The following ZMYM4 variants were observed in gnomAD, a reference collection of about 807,000 sequenced individuals.
The protein encoded by ZMYM4 is zinc finger MYM-type protein 4.
Under a neutral mutation model 183.2 loss-of-function variants are expected in ZMYM4, and 31 were observed. That is an observed-to-expected ratio of 0.17 (90% CI 0.13 to 0.23). The LOEUF is 0.23. Among genes scored for constraint, ZMYM4 ranks in the 10% least tolerant of loss-of-function variants. The pLI, the probability that ZMYM4 is intolerant of heterozygous loss-of-function variation, is 1.00. For missense variants in ZMYM4, 1,273 were observed against 1,840.3 expected (o/e 0.69, Z 5.64); for synonymous variants, 592 against 631.2 (o/e 0.94, Z 0.93).
intron 23 of ZMYM4, 154 bp from the exon 24 acceptor site, chr1:35,404,869 A>G: frequency 3.0e-6 from 2 of 677,380 alleles, no homozygotes; most frequent in Non-Finnish European, 4.6e-6. Context: ...AATAATCTCT[A>G]AAGCCCTTTC....
intron 1 of ZMYM4, among the ~76,000 whole-genome samples, chr1:35,285,043 C>G (rs903167179): frequency 2.0e-5 from 3 of 152,014 alleles, no homozygotes; most frequent in African/African-American, 7.2e-5. Context: ...TGTCTATATG[C>G]CTGTTCTTGT....
intron 1 of ZMYM4, among the ~76,000 whole-genome samples, chr1:35,269,711 A>T (rs1389634204): frequency 6.6e-6 from 1 of 152,188 alleles, no homozygotes; most frequent in East Asian, 1.9e-4. Flanking sequence ...ACTTGGAAGA[A>T]TACGACAAGT....
chr1:35,326,139 A>G (rs12133545), intron 2 of ZMYM4, among the ~76,000 whole-genome samples: 2,792 of 152,298 alleles, frequency 0.018, 26 homozygotes, highest in Middle Eastern at 0.044. Context: ...AGGTGAAATG[A>G]CATATAATGA....
Position 35,288,075 on chromosome 1 carries a change from C to G in ZMYM4, c.39+18990C>G, listed in dbSNP as rs1196640809. Among the ~76,000 whole-genome samples the G allele has an allele frequency of 2.6e-5, 4 of 152,150 alleles. No homozygotes were observed. The South Asian group carries it at 6.2e-4, about 24-fold the overall frequency. On this transcript the variant is annotated intron_variant, in intron 1 of 29. Coordinates refer to ENST00000314607, the MANE Select transcript of ZMYM4 (RefSeq NM_005095.3). ...ATCTGTGAGTCATCTTTTGTTTCTT[C>G]CCTTTCCCTTACTGTTTAGTTTTAA...
intron 1 of ZMYM4, among the ~76,000 whole-genome samples, chr1:35,279,436 A>G (rs1239195376): frequency 5.9e-5 from 9 of 152,126 alleles, no homozygotes. Context: ...GAGATGATTG[A>G]TGGGATCCAT....
intron 1 of ZMYM4, among the ~76,000 whole-genome samples, chr1:35,271,783 C>G (rs981013074): frequency 4.6e-5 from 7 of 152,256 alleles, no homozygotes; most frequent in African/African-American, 1.7e-4. Flanking sequence ...CCAGTTTCAT[C>G]ACAGAGGAAA....
intron 1 of ZMYM4, among the ~76,000 whole-genome samples, chr1:35,283,137 C>G (rs550082976): frequency 6.8e-6 from 1 of 147,900 alleles, no homozygotes; most frequent in East Asian, 2.0e-4. Context: ...TCCCAAGTAG[C>G]TGGGATTACA....
rs1227620514 is a variant in ZMYM4, at chr1:35,374,854, G to A, written c.1181+4227G>A. ...ATTTATCATGTTTCTTTGGCCTCCA[G>A]TCTCTGGTGTTTGCCTAAGCTTTAT... On this transcript the variant is annotated intron_variant, in intron 7 of 29. Transcript: ENST00000314607. Among the ~76,000 whole-genome samples the A allele has an allele frequency of 3.9e-5, 6 of 152,212 alleles. No individual in the cohort carries two copies. The East Asian group carries it at 1.2e-3, about 29-fold the overall frequency.
intron 27 of ZMYM4, 52 bp downstream of exon 27, chr1:35,414,135 T>A: frequency 8.8e-7 from 1 of 1,140,220 alleles, no homozygotes; most frequent in Non-Finnish European, 1.3e-6. Flanking sequence ...TTAAATTGCT[T>A]AACTTTTTTG....
At chr1:35,356,556 T>A (rs748223160) in intron 2 of ZMYM4, among the ~76,000 whole-genome samples, 7 of 152,220 alleles carry the variant, frequency 4.6e-5, no homozygotes, top group African/African-American at 1.7e-4. Flanking sequence ...GTTCTTATGA[T>A]AGAAACAAGC....
intron 1 of ZMYM4, among the ~76,000 whole-genome samples, chr1:35,286,774 T>A (rs1640515532): frequency 2.2e-4 from 2 of 8,926 alleles, no homozygotes; most frequent in African/African-American, 7.1e-4. Context: ...TTTAAATAAT[T>A]TTTTTTTTTT....
At chr1:35,334,519 A>G (rs1642894497) in intron 2 of ZMYM4, among the ~76,000 whole-genome samples, 1 of 152,210 alleles carries the variant, frequency 6.6e-6, no homozygotes. Context: ...TTTAACATTT[A>G]GACTGGCTTT....
chr1:35,404,998 C>T (rs1570538116), intron 23 of ZMYM4, 25 bp from the exon 24 acceptor site: 2 of 1,559,280 alleles, frequency 1.3e-6, no homozygotes, highest in South Asian at 1.2e-5. Flanking sequence ...ATTTTATGTT[C>T]TGTAAATTTT....
chr1:35,317,381 T>C, intron 1 of ZMYM4, among the ~76,000 whole-genome samples: 1 of 151,450 alleles, frequency 6.6e-6, no homozygotes, highest in East Asian at 2.0e-4. Flanking sequence ...TGCAGTAAGC[T>C]GAGATTGCGC....
intron 11 of ZMYM4, among the ~76,000 whole-genome samples, 196 bp downstream of exon 11, chr1:35,386,385 C>T (rs1039999265): frequency 6.6e-6 from 1 of 151,784 alleles, no homozygotes; most frequent in African/African-American, 2.4e-5. Flanking sequence ...TGGCGGAAGG[C>T]GAAGGGGAAG....
At chr1:35,279,336 C>G (rs1266613913) in intron 1 of ZMYM4, among the ~76,000 whole-genome samples, 1 of 152,198 alleles carries the variant, frequency 6.6e-6, no homozygotes, top group East Asian at 1.9e-4. Flanking sequence ...TTGTCAGTCT[C>G]CTTACATATC....
chr1:35,409,910 A>G (rs1216819129), intron 26 of ZMYM4, among the ~76,000 whole-genome samples: 2 of 151,464 alleles, frequency 1.3e-5, no homozygotes, highest in Non-Finnish European at 2.9e-5. Context: ...CCTGCACTTC[A>G]GCCTGGGTGA....
intron 2 of ZMYM4, among the ~76,000 whole-genome samples, chr1:35,327,960 T>G (rs1027316415): frequency 6.6e-6 from 1 of 152,210 alleles, no homozygotes; most frequent in African/African-American, 2.4e-5. Context: ...AAGGCATGCC[T>G]CTGTCACTAC....
In ZMYM4 at chr1:35,419,660, G is replaced by A. The variant is rs776398568; in HGVS notation, c.4630G>A (p.Val1544Ile). The A allele has an allele frequency of 2.5e-6, 4 of 1,614,136 alleles. No individual in the cohort carries two copies. The highest frequency in any genetic ancestry group is 2.5e-6 in the Non-Finnish European group (3 of 1,179,990). The change falls in exon 30 of 30, where the codon GTT becomes ATT. Residue 1544 changes from valine to isoleucine, a missense_variant. Physicochemically the swap from Val to Ile is conservative, Grantham distance 29. Coordinates refer to ENST00000314607, the MANE Select transcript of ZMYM4 (RefSeq NM_005095.3). ...CAAAGCCAAATCTGAAGACTCTGAT[G>A]TTGAATTATCAGATTAAAACGGAAG... ...LAKAKSEDSD[V>I]ELSD
Sources: allele counts gnomAD v4.1 joint callset (sites outside exome capture counted in the v4.1 genomes callset), GRCh38; gene constraint gnomAD v4.1.1; transcripts MANE v1.5; gene names NCBI Gene and HGNC (gene_info 2026-07-23, HGNC 2026-07-21).